Variants in DCHS2 observed in about 807,000 individuals in gnomAD.
DCHS2 encodes dachsous cadherin-related 2.
A neutral mutation model predicts 182.4 loss-of-function variants in DCHS2; 142 were observed. That is an observed-to-expected ratio of 0.78 (90% CI 0.68 to 0.89). DCHS2 has a LOEUF of 0.89. DCHS2 is among the 40% of genes least tolerant of loss of function. The pLI, the probability that DCHS2 is intolerant of heterozygous loss-of-function variation, is 0.00. For synonymous variants in DCHS2, 1,740 were observed against 1,663.3 expected (o/e 1.05, Z -1.12); for missense variants, 4,319 against 4,198.6 (o/e 1.03, Z -0.79).
At chr4:154,355,427 TG>T (rs1322501929) in intron 3 of DCHS2, among the ~76,000 whole-genome samples, 2 of 152,236 alleles carry the variant, frequency 1.3e-5, no homozygotes, top group Non-Finnish European at 2.9e-5. Flanking sequence ...GAGAATTTCC[TG>T]CCCCTTTCCC....
At chr4:154,453,120 G>T (rs1338171246) in intron 1 of DCHS2, among the ~76,000 whole-genome samples, 1 of 152,002 alleles carries the variant, frequency 6.6e-6, no homozygotes, top group Non-Finnish European at 1.5e-5. Flanking sequence ...AGACCATCCC[G>T]TGCATGCAGG....
intron 1 of DCHS2, among the ~76,000 whole-genome samples, chr4:154,481,838 T>C (rs1334355669): frequency 3.3e-5 from 5 of 152,208 alleles, no homozygotes; most frequent in Non-Finnish European, 5.9e-5. Context: ...TGGGTATGTT[T>C]CACTCTGCAT....
At chr4:154,479,330 G>A (rs1020268538) in intron 1 of DCHS2, among the ~76,000 whole-genome samples, 1 of 151,858 alleles carries the variant, frequency 6.6e-6, no homozygotes, top group African/African-American at 2.4e-5. Flanking sequence ...AGATCTAAAG[G>A]TCTAACATAT....
At chr4:154,436,030 A>G (rs999455406) in intron 1 of DCHS2, among the ~76,000 whole-genome samples, 1 of 152,228 alleles carries the variant, frequency 6.6e-6, no homozygotes, top group African/African-American at 2.4e-5. Context: ...TTCTTTTGCT[A>G]AATTCCCCAA....
chr4:154,389,516 TTA>T (rs72440696), intron 1 of DCHS2, among the ~76,000 whole-genome samples: 8,444 of 110,958 alleles, frequency 0.076, 600 homozygotes, highest in Middle Eastern at 0.12. Flanking sequence ...AAGACAAAGG[TTA>T]TATATATATA....
chr4:154,300,619 G>A (rs773913823), intron 12 of DCHS2, among the ~76,000 whole-genome samples: 1 of 151,990 alleles, frequency 6.6e-6, no homozygotes, highest in Non-Finnish European at 1.5e-5. Flanking sequence ...CCTGACAGGG[G>A]GTACAGGCTG....
At chr4:154,250,163 T>C (rs1732282969) in intron 16 of DCHS2, among the ~76,000 whole-genome samples, 1 of 152,146 alleles carries the variant, frequency 6.6e-6, no homozygotes, top group Non-Finnish European at 1.5e-5. Context: ...TCACAACCAA[T>C]ACCTCATGGA....
At chr4:154,455,687 C>A (rs1734734160) in intron 1 of DCHS2, among the ~76,000 whole-genome samples, 1 of 152,216 alleles carries the variant, frequency 6.6e-6, no homozygotes, top group South Asian at 2.1e-4. Flanking sequence ...TGCCATGCAG[C>A]AATTTTCTTT....
intron 3 of DCHS2, among the ~76,000 whole-genome samples, chr4:154,348,479 T>C (rs548111655): frequency 6.6e-6 from 1 of 152,100 alleles, no homozygotes; most frequent in South Asian, 2.1e-4. Flanking sequence ...ACCAAATTTA[T>C]GTCCACTTGG....
intron 16 of DCHS2, among the ~76,000 whole-genome samples, chr4:154,252,542 T>TTTG (rs929887439): frequency 6.6e-6 from 1 of 151,928 alleles, no homozygotes; most frequent in African/African-American, 2.4e-5. Flanking sequence ...CTTGAGTTCA[T>TTTG]TTGTTGTAAT....
rs1012722584 is a variant in DCHS2, at chr4:154,391,242, A to G, written c.2053-13798T>C. On this transcript the variant is annotated intron_variant, in intron 1 of 19. Transcript: ENST00000357232. ...ATCAGTACTTTCAAACTGCTGAGTA[A>G]ACATCTTCTTTTCTCCGTCTTCATT... The G allele has an allele frequency of 6.2e-7, 1 of 1,613,010 alleles. No homozygotes were observed. The highest frequency in any genetic ancestry group is 8.5e-7 in the Non-Finnish European group (1 of 1,179,564).
In DCHS2 at chr4:154,391,439, T is replaced by G. The variant is rs532849768; in HGVS notation, c.2053-13995A>C. 15 of 1,226,100 alleles carry G rather than the reference T, an allele frequency of 1.2e-5. No individual in the cohort carries two copies. In the East Asian group the frequency reaches 3.9e-4, roughly 32 times the overall value. The allele number at this position is 1,226,100 out of a possible 1,614,324, so 76.0% of individuals were successfully genotyped here. ...TAAAGAAAGCGTTCAAAACTAAAAA[T>G]AGGCAGATCAGAGAGTCACTGATGC... On this transcript the variant is annotated intron_variant, in intron 1 of 19. Coordinates refer to ENST00000357232, the MANE Select transcript of DCHS2 (RefSeq NM_001358235.2).
chr4:154,327,770 T>G (rs2130711), intron 7 of DCHS2, among the ~76,000 whole-genome samples: 130,760 of 152,070 alleles, frequency 0.86, 57,385 homozygotes, highest in South Asian at 0.94. Flanking sequence ...TACCAATTCT[T>G]ATCCCCTAAC....
chr4:154,428,672 G>A (rs979907553), intron 1 of DCHS2, among the ~76,000 whole-genome samples: 2 of 152,096 alleles, frequency 1.3e-5, no homozygotes, highest in African/African-American at 4.8e-5. Context: ...AGGGCAAGGC[G>A]GGTGGATCAT....
intron 7 of DCHS2, chr4:154,322,710 C>G: frequency 2.0e-6 from 1 of 497,696 alleles, no homozygotes; most frequent in Non-Finnish European, 3.3e-6. Flanking sequence ...GTATAATAAA[C>G]TTTCACGAGT....
chr4:154,322,191 T>C, intron 8 of DCHS2, 140 bp downstream of exon 8: 1 of 1,239,352 alleles, frequency 8.1e-7, no homozygotes, highest in Non-Finnish European at 1.1e-6. Flanking sequence ...CTATGTGCAA[T>C]GCTCTCAAAA....
intron 1 of DCHS2, among the ~76,000 whole-genome samples, chr4:154,393,552 C>T (rs1731799546): frequency 6.6e-6 from 1 of 152,148 alleles, no homozygotes; most frequent in Non-Finnish European, 1.5e-5. Context: ...TAAGTGCTGC[C>T]TAAATTCTGG....
At chr4:154,383,733 A>G (rs1274269087) in intron 1 of DCHS2, among the ~76,000 whole-genome samples, 1 of 152,118 alleles carries the variant, frequency 6.6e-6, no homozygotes, top group Non-Finnish European at 1.5e-5. Flanking sequence ...TATATCAGCC[A>G]GACTCCACCC....
intron 18 of DCHS2, among the ~76,000 whole-genome samples, chr4:154,239,844 T>A (rs1169635160): frequency 2.0e-5 from 3 of 152,118 alleles, no homozygotes; most frequent in Non-Finnish European, 4.4e-5. Context: ...TTTATTCAGT[T>A]TTTTTTACTA....
Sources: gnomAD v4.1 joint callset for allele counts (sites outside exome capture counted in the v4.1 genomes callset) on GRCh38, gnomAD v4.1.1 for gene constraint, MANE v1.5 for transcripts, NCBI Gene and HGNC (gene_info 2026-07-23, HGNC 2026-07-21) for gene names.